Variants in CHD4 observed in about 807,000 individuals in gnomAD.
CHD4 encodes the protein chromodomain helicase DNA binding protein 4.
CHD4 carries 35 observed loss-of-function variants against 235.5 expected under a neutral mutation model. The observed-to-expected ratio is 0.15, with a 90% confidence interval of 0.11 to 0.20. The LOEUF is 0.20. Ranked by LOEUF, CHD4 falls within the 10% of genes least tolerant of loss-of-function variation. The pLI is 1.00. For missense variants in CHD4, 1,329 were observed against 2,432.3 expected, an observed-to-expected ratio of 0.55 and a Z score of 9.54; for synonymous variants, 900 against 850.2, an observed-to-expected ratio of 1.06 and a Z score of -1.02.
chr12:6,575,847 AGC>A (rs1948061815), intron 37 of CHD4, among the ~76,000 whole-genome samples: 1 of 152,160 alleles, frequency 6.6e-6, no homozygotes, highest in Admixed American at 6.5e-5. Flanking sequence ...GTTTCCCTAC[AGC>A]TCAACTGGGC....
rs1467994359 is a variant in CHD4, at chr12:6,573,173, T to C, written c.5458A>G (p.Thr1820Ala). 1 of 1,607,410 alleles carries C rather than the reference T, an allele frequency of 6.2e-7. No homozygotes were observed. Among genetic ancestry groups the C allele is most frequent in the Non-Finnish European group, 8.5e-7 (1 of 1,176,948 alleles). ...DPSHPSMALN[T>A]RFAEVECLAE... Reference sequence around the variant, plus strand: ...AAACACTCCACCTCAGCAAAGCGGGTGTTGAGGGCCATGGAAGGGTGAGAA... The same window carrying C: ...AAACACTCCACCTCAGCAAAGCGGGCGTTGAGGGCCATGGAAGGGTGAGAA... The change falls in exon 38 of 40, where the codon ACC becomes GCC. Residue 1820 changes from threonine to alanine, a missense_variant. Physicochemically the swap from Thr to Ala is moderately conservative, Grantham distance 58. Transcript: ENST00000544040.
chr12:6,584,854 T>C (rs1002619507), intron 25 of CHD4: 4 of 152,390 alleles, frequency 2.6e-5, no homozygotes, highest in Non-Finnish European at 5.9e-5. Context: ...CAATCACTTC[T>C]ATTACATTCA....
chr12:6,587,470 T>A lies in CHD4; in HGVS notation c.3793A>T (p.Thr1265Ser). 1 of 1,614,200 alleles carries A rather than the reference T, an allele frequency of 6.2e-7. No homozygotes were observed. The highest frequency in any genetic ancestry group is 8.5e-7 in the Non-Finnish European group (1 of 1,180,034). The change falls in exon 25 of 40, where the codon ACT becomes TCT. Residue 1265 changes from threonine to serine, a missense_variant. This residue lies in a region of CHD4 where 21 missense variants were observed against 53.5 expected (regional missense o/e 0.39). Coordinates refer to ENST00000544040, the MANE Select transcript of CHD4 (RefSeq NM_001273.5). ...ATGCCCTGCAATTCTGTGTCTTCAG[T>A]CTCATCCTGGTTACGGTCTAGCAGC... The part of the protein sequence containing the change: ...ERLLDRNQDE[T>S]EDTELQGMNE...
At position 6,595,442 on chromosome 12, in the gene CHD4, A is replaced by T; in HGVS notation, c.2025-12T>A. ...CCCTCATTAACTCCCTAAAGAAGAA[A>T]GACATCACACAGCTGCCCAAAATCC... On this transcript the variant is annotated splice_polypyrimidine_tract_variant and intron_variant, in intron 13 of 39. Coordinates refer to ENST00000544040, the MANE Select transcript of CHD4 (RefSeq NM_001273.5). 6.2e-7 allele frequency: 1 copy of T among 1,611,420 alleles called. No homozygotes were observed.
chr12:6,602,622 T>A, intron 2 of CHD4, 125 bp from the exon 3 acceptor site: 1 of 1,244,208 alleles, frequency 8.0e-7, no homozygotes, highest in Non-Finnish European at 1.1e-6. Flanking sequence ...AGAGAACTGC[T>A]ATACTCTGTA....
chr12:6,591,674 G>A lies in CHD4; in HGVS notation c.3222+20C>T. The A allele has an allele frequency of 6.2e-7, 1 of 1,614,124 alleles. No individual in the cohort carries two copies. The highest frequency in any genetic ancestry group is 8.5e-7 in the Non-Finnish European group (1 of 1,180,014). ...GGGTTGTCTATGACTGTTCCCTAAA[G>A]CTCCCAGTCCACATGATACCTGGGA... is the stretch of plus-strand genomic sequence containing the variant. On this transcript the variant is annotated intron_variant, in intron 21 of 39. Coordinates refer to ENST00000544040, the MANE Select transcript of CHD4 (RefSeq NM_001273.5).
intron 2 of CHD4, among the ~76,000 whole-genome samples, chr12:6,603,633 C>T (rs1401461400): frequency 6.6e-6 from 1 of 152,062 alleles, no homozygotes; most frequent in Non-Finnish European, 1.5e-5. Flanking sequence ...ATGCCACCTA[C>T]TCTGGGATGA....
chr12:6,600,469 T>C (rs1003243104), intron 8 of CHD4, 65 bp downstream of exon 8: 2 of 1,185,870 alleles, frequency 1.7e-6, no homozygotes, highest in South Asian at 1.2e-5. Context: ...CCTATCTCCT[T>C]AGGGAGATTC....
chr12:6,582,464 A>G, intron 29 of CHD4, 151 bp downstream of exon 29: 2 of 1,321,514 alleles, frequency 1.5e-6, no homozygotes, highest in South Asian at 1.5e-5. Flanking sequence ...CTTCCAGGGA[A>G]GCTAGGAACA....
rs374451881 is a variant in CHD4, at chr12:6,593,606, T to C, written c.2324A>G (p.Lys775Arg). ...LYSLYKEGHS[K>R]GPFLVSAPLS... The stretch of plus-strand genomic sequence containing the variant: ...AGGGGCGCTCACTAGGAAGGGGCCT[T>C]TGGAATGACCCTTTGAGAAAAAAGA... The change falls in exon 16 of 40, where the codon AAA (lysine) becomes AGA (arginine). Residue 775 changes from lysine (K) to arginine (R), a missense_variant. Physicochemically the swap from Lys to Arg is conservative, Grantham distance 26. Coordinates refer to ENST00000544040, the MANE Select transcript of CHD4 (RefSeq NM_001273.5). The surrounding 1 kb of genome is among the most constrained non-coding windows in gnomAD (Gnocchi z 4.9). The C allele has an allele frequency of 4.4e-5, 71 of 1,614,060 alleles. No homozygotes were observed. Among genetic ancestry groups the C allele is most frequent in the Non-Finnish European group, 5.9e-5 (70 of 1,180,010 alleles).
intron 2 of CHD4, among the ~76,000 whole-genome samples, chr12:6,605,774 G>GACAGC (rs777195281): frequency 1.3e-5 from 2 of 152,136 alleles, no homozygotes; most frequent in Non-Finnish European, 2.9e-5. Context: ...ACACAGTTCA[G>GACAGC]ACAGCACAGA....
chr12:6,578,680 A>G, intron 34 of CHD4, 134 bp from the exon 35 acceptor site: 6 of 1,448,264 alleles, frequency 4.1e-6, no homozygotes, highest in Non-Finnish European at 5.7e-6. Context: ...CAGACCCAGA[A>G]AATGGTGCCA....
chr12:6,600,185 G>C, intron 9 of CHD4, 32 bp downstream of exon 9: 1 of 1,610,836 alleles, frequency 6.2e-7, no homozygotes, highest in Non-Finnish European at 8.5e-7. Context: ...CTTCTCATGG[G>C]TTCCAAGGGG....
intron 22 of CHD4, among the ~76,000 whole-genome samples, chr12:6,588,680 A>G (rs1486268947): frequency 6.6e-6 from 1 of 152,006 alleles, no homozygotes; most frequent in Non-Finnish European, 1.5e-5. Context: ...CAGGAGACTG[A>G]GGCAGGAGAA....
Position 6,594,626 on chromosome 12 carries a change from G to A in CHD4, c.2146C>T (p.Pro716Ser). 1 of 1,613,590 alleles carries A rather than the reference G, an allele frequency of 6.2e-7. No homozygotes were observed. The highest frequency in any genetic ancestry group is 8.5e-7 in the Non-Finnish European group (1 of 1,179,798). Reference sequence around the variant, plus strand: ...CCACCTGTAGCATCCAGGTACTCTGGCTGTCGCTCATACTTCACTGTTGGC... The same window carrying A: ...CCACCTGTAGCATCCAGGTACTCTGACTGTCGCTCATACTTCACTGTTGGC... ...VDPTVKYERQ[P>S]EYLDATGGTL... The change falls in exon 15 of 40, where the codon CCA (proline) becomes TCA (serine). Residue 716 changes from proline (P) to serine (S), a missense_variant. Pro to Ser is a moderately conservative substitution (Grantham distance 74). Coordinates refer to ENST00000544040, the MANE Select transcript of CHD4 (RefSeq NM_001273.5).
chr12:6,571,111 T>C, intron 38 of CHD4, 79 bp from the exon 39 acceptor site: 1 of 1,527,310 alleles, frequency 6.5e-7, no homozygotes, highest in Non-Finnish European at 8.9e-7. Context: ...CAGCCCCCCA[T>C]CACTTCTCAG....
chr12:6,575,964 G>C (rs941428707), intron 37 of CHD4, among the ~76,000 whole-genome samples: 1 of 151,834 alleles, frequency 6.6e-6, no homozygotes, highest in Non-Finnish European at 1.5e-5. Flanking sequence ...AATCTCCGTC[G>C]CATTCTTCAA....
intron 22 of CHD4, among the ~76,000 whole-genome samples, chr12:6,590,899 C>T (rs537336533): frequency 6.6e-6 from 1 of 151,396 alleles, no homozygotes. Flanking sequence ...CCGAGGTGGG[C>T]GGATCATGAG....
Position 6,597,964 on chromosome 12 carries a change from T to A in CHD4, c.1822A>T (p.Met608Leu), listed in dbSNP as rs1020384975. 1 of 1,614,086 alleles carries A rather than the reference T, an allele frequency of 6.2e-7. No individual in the cohort carries two copies. The highest frequency in any genetic ancestry group is 1.3e-5 in the African/African-American group (1 of 74,924). The change falls in exon 12 of 40, where the codon ATG becomes TTG. Residue 608 changes from methionine (M) to leucine (L), a missense_variant. Physicochemically the swap from Met to Leu is conservative, Grantham distance 15. This residue lies in a region of CHD4 where 121 missense variants were observed against 177.8 expected (regional missense o/e 0.68). Transcript: ENST00000544040. ...CCATAGCGATAGAAGCGTTCCTCCA[T>A]CTCTGCAAATTTAGGGTCCTTGTTC... ...RKNKDPKFAE[M>L]EERFYRYGIK...
Sources: allele counts gnomAD v4.1 joint callset (sites outside exome capture counted in the v4.1 genomes callset), GRCh38; gene constraint gnomAD v4.1.1; regional missense constraint gnomAD v4.1.1; non-coding constraint Gnocchi (gnomAD v3.1); transcripts MANE v1.5; gene names NCBI Gene and HGNC (gene_info 2026-07-23, HGNC 2026-07-21).